WDR7: variants seen among roughly 807,000 people sequenced by gnomAD.
WDR7 encodes the protein WD repeat domain 7.
A neutral mutation model predicts 169.4 loss-of-function variants in WDR7; 46 were observed. The observed-to-expected ratio is 0.27, with a 90% CI of 0.21 to 0.35. The LOEUF is 0.35. Among genes scored for constraint, WDR7 ranks in the 10% least tolerant of loss-of-function variants. WDR7 has a pLI of 1.00. For missense variants in WDR7, 1,534 were observed against 1,859.3 expected (o/e 0.83, Z 3.22); for synonymous variants, 612 against 666.8 (o/e 0.92, Z 1.27).
intron 14 of WDR7, among the ~76,000 whole-genome samples, chr18:56,741,106 A>G (rs2043614625): frequency 6.6e-6 from 1 of 152,168 alleles, no homozygotes; most frequent in Non-Finnish European, 1.5e-5. Context: ...ACTGTGGCCT[A>G]CAGGTCAATA....
At chr18:56,983,445 A>G (rs955824994) in intron 26 of WDR7, among the ~76,000 whole-genome samples, 8 of 152,154 alleles carry the variant, frequency 5.3e-5, no homozygotes, top group African/African-American at 1.9e-4. Context: ...GCTTCTAACT[A>G]TATTGCACCA....
chr18:56,889,529 A>T (rs2145517099), intron 21 of WDR7, among the ~76,000 whole-genome samples: 1 of 152,342 alleles, frequency 6.6e-6, no homozygotes, highest in East Asian at 1.9e-4. Flanking sequence ...TTTGCTTAGT[A>T]CCACTGAATA....
intron 21 of WDR7, among the ~76,000 whole-genome samples, chr18:56,897,620 TA>T (rs1397620190): frequency 1.3e-5 from 2 of 152,036 alleles, no homozygotes; most frequent in African/African-American, 4.8e-5. Flanking sequence ...AAGACATTGA[TA>T]TTTTTTATGT....
chr18:56,696,297 A>G lies in WDR7; in HGVS notation c.1413A>G (p.Leu471=), dbSNP rs368118485. ...RGHRNKVTCL[L]YPHQVSARYD... is the part of the protein sequence containing the mutation. ...ATCGGAACAAAGTCACATGTTTGCT[A>G]TATCCTCATCAGGTCTCAGCTCGGT... The change falls in exon 12 of 28, where the codon CTA becomes CTG. Residue 471 remains leucine (L), a synonymous_variant. Coordinates refer to ENST00000254442, the MANE Select transcript of WDR7 (RefSeq NM_015285.3). The G allele has an allele frequency of 1.1e-5, 17 of 1,614,056 alleles. No homozygotes were observed. Among genetic ancestry groups the G allele is most frequent in the East Asian group, 6.7e-5 (3 of 44,880 alleles).
In WDR7 at chr18:56,677,440, C is replaced by T. The variant is rs550646929; in HGVS notation, c.160-1892C>T. Reference sequence around the variant, plus strand: ...TCTCAACTTCCTGCAACCTCTGCCTCCTGGGTTCCAGGGATTCCTGTGCCT... The same window carrying T: ...TCTCAACTTCCTGCAACCTCTGCCTTCTGGGTTCCAGGGATTCCTGTGCCT... On this transcript the variant is annotated intron_variant, in intron 2 of 27. Transcript: ENST00000254442. Among the ~76,000 whole-genome samples the T allele has an allele frequency of 6.6e-5, 10 of 152,198 alleles. No individual in the cohort carries two copies. The South Asian group carries it at 2.1e-3, about 31-fold the overall frequency.
intron 21 of WDR7, among the ~76,000 whole-genome samples, chr18:56,902,558 G>T (rs921541553): frequency 6.6e-6 from 1 of 152,164 alleles, no homozygotes; most frequent in Admixed American, 6.6e-5. Flanking sequence ...TGTGTTGCAG[G>T]TGTAGTGGTA....
chr18:56,949,419 G>T (rs1397797608), intron 25 of WDR7, among the ~76,000 whole-genome samples: 1 of 152,190 alleles, frequency 6.6e-6, no homozygotes, highest in Non-Finnish European at 1.5e-5. Flanking sequence ...ATTGAGAAAA[G>T]TAGCCTTGCT....
At chr18:56,850,290 A>G (rs544742550) in intron 20 of WDR7, among the ~76,000 whole-genome samples, 2 of 152,078 alleles carry the variant, frequency 1.3e-5, no homozygotes, top group Non-Finnish European at 2.9e-5. Flanking sequence ...TATGTTCTGG[A>G]TGTAAATGCT....
intron 8 of WDR7, 43 bp downstream of exon 8, chr18:56,691,404 A>G (rs1477896564): frequency 6.5e-7 from 1 of 1,533,476 alleles, no homozygotes. Context: ...CAAAAGTAAA[A>G]GATTCAGAAT....
At chr18:57,032,140 A>G (rs1274894859), downstream of WDR7, 1 of 152,214 alleles carries the variant, frequency 6.6e-6, no homozygotes, top group Non-Finnish European at 1.5e-5. Flanking sequence ...AATGGAGGAA[A>G]CTGGTTGGTT....
chr18:56,866,013 G>A (rs1360694950), intron 20 of WDR7, among the ~76,000 whole-genome samples: 1 of 152,022 alleles, frequency 6.6e-6, no homozygotes, highest in Non-Finnish European at 1.5e-5. Flanking sequence ...AGAGATTCAT[G>A]TTGGCATAGG....
chr18:56,947,312 A>T (rs550877093), intron 25 of WDR7, among the ~76,000 whole-genome samples: 40 of 152,368 alleles, frequency 2.6e-4, no homozygotes, highest in Non-Finnish European at 3.4e-4. Context: ...GTTCTTTCCC[A>T]GCTGGGCCTT....
chr18:56,862,174 A>C (rs1337508772), intron 20 of WDR7, among the ~76,000 whole-genome samples: 1 of 151,940 alleles, frequency 6.6e-6, no homozygotes, highest in Admixed American at 6.6e-5. Context: ...ACTATCGTCC[A>C]CTATTATGTT....
At chr18:56,940,372 C>T (rs1341390306) in intron 25 of WDR7, among the ~76,000 whole-genome samples, 1 of 152,118 alleles carries the variant, frequency 6.6e-6, no homozygotes, top group African/African-American at 2.4e-5. Flanking sequence ...TCTGTATTTA[C>T]AATAGACCTT....
At chr18:56,851,905 G>T (rs553943157) in intron 20 of WDR7, among the ~76,000 whole-genome samples, 1 of 152,278 alleles carries the variant, frequency 6.6e-6, no homozygotes, top group South Asian at 2.1e-4. Context: ...CTTTCCTCTT[G>T]TTTGGGAAAA....
chr18:56,771,848 C>G (rs369852220), intron 16 of WDR7, among the ~76,000 whole-genome samples: 1 of 151,484 alleles, frequency 6.6e-6, no homozygotes, highest in South Asian at 2.1e-4. Flanking sequence ...TGCCATTGCA[C>G]TCCAGCCTGG....
intron 19 of WDR7, among the ~76,000 whole-genome samples, chr18:56,786,233 A>G (rs879815620): frequency 3.3e-5 from 5 of 152,134 alleles, no homozygotes; most frequent in African/African-American, 4.8e-5. Flanking sequence ...ACAGATTGTT[A>G]TAAGAATAAA....
intron 21 of WDR7, among the ~76,000 whole-genome samples, chr18:56,904,194 C>T (rs911039265): frequency 4.0e-5 from 6 of 151,794 alleles, no homozygotes; most frequent in East Asian, 1.9e-4. Context: ...CTCAGCCTCC[C>T]GAGTAGCTGG....
At chr18:56,936,101 TCTG>T in intron 23 of WDR7, 196 bp downstream of exon 23, 1 of 504,714 alleles carries the variant, frequency 2.0e-6, no homozygotes, top group South Asian at 3.6e-5. Context: ...ATTCATTACT[TCTG>T]CTTCTGTATT....
Sources: gnomAD v4.1 joint callset for allele counts (sites outside exome capture counted in the v4.1 genomes callset) on GRCh38, gnomAD v4.1.1 for gene constraint, MANE v1.5 for transcripts, NCBI Gene and HGNC (gene_info 2026-07-23, HGNC 2026-07-21) for gene names.